Variants in EXOC4 observed in about 807,000 individuals in gnomAD.
The protein encoded by EXOC4 is exocyst complex component 4, also known as SEC8-like 1.
EXOC4 carries 71 observed loss-of-function variants against 107.2 expected under a neutral mutation model. That is an observed-to-expected ratio of 0.66 (90% CI 0.55 to 0.81). The LOEUF (loss-of-function observed/expected upper bound fraction) is 0.81, where lower values mean the gene tolerates loss of function less well. Among genes scored for constraint, EXOC4 ranks in the 30% least tolerant of loss-of-function variants. The pLI is 0.00. For missense variants in EXOC4, 1,108 were observed against 1,189.6 expected, an observed-to-expected ratio of 0.93 and a Z score of 1.01; for synonymous variants, 456 against 441.2, an observed-to-expected ratio of 1.03 and a Z score of -0.42.
chr7:133,493,966 G>A (rs1318874204), intron 9 of EXOC4, among the ~76,000 whole-genome samples: 6 of 152,150 alleles, frequency 3.9e-5, no homozygotes, highest in East Asian at 3.8e-4. Flanking sequence ...AATTTAGGAC[G>A]GTTGGAATAT....
chr7:133,635,817 C>T (rs574230461), intron 10 of EXOC4, among the ~76,000 whole-genome samples: 31 of 152,292 alleles, frequency 2.0e-4, no homozygotes, highest in Non-Finnish European at 4.1e-4. Context: ...TGCACTGGGA[C>T]AGAGCTCCCT....
At chr7:133,668,853 C>T (rs984736267) in intron 10 of EXOC4, among the ~76,000 whole-genome samples, 1 of 152,020 alleles carries the variant, frequency 6.6e-6, no homozygotes, top group African/African-American at 2.4e-5. Flanking sequence ...GGGGCAGCCT[C>T]CAGGGGTCAC....
intron 10 of EXOC4, among the ~76,000 whole-genome samples, chr7:133,701,601 A>C (rs1171570781): frequency 6.6e-6 from 1 of 152,188 alleles, no homozygotes; most frequent in Non-Finnish European, 1.5e-5. Context: ...TTTAATTTAT[A>C]AATTAGGCAC....
chr7:134,058,869 G>C (rs1460920550), intron 17 of EXOC4, among the ~76,000 whole-genome samples: 1 of 152,154 alleles, frequency 6.6e-6, no homozygotes, highest in East Asian at 1.9e-4. Context: ...CTAATACTCT[G>C]TAGATCTCAA....
chr7:133,386,561 G>A (rs1421578455), intron 7 of EXOC4, among the ~76,000 whole-genome samples: 1 of 152,108 alleles, frequency 6.6e-6, no homozygotes, highest in African/African-American at 2.4e-5. Flanking sequence ...AGTTTGTGCT[G>A]CTTATACTCT....
intron 10 of EXOC4, among the ~76,000 whole-genome samples, chr7:133,720,396 C>G (rs543475765): frequency 1.7e-3 from 262 of 152,208 alleles, no homozygotes; most frequent in Non-Finnish European, 2.9e-3. Context: ...TGCGTATAAA[C>G]CTTCATAATT....
At chr7:133,276,451 T>C (rs1018371754) in intron 2 of EXOC4, among the ~76,000 whole-genome samples, 4 of 152,218 alleles carry the variant, frequency 2.6e-5, no homozygotes, top group South Asian at 2.1e-4. Context: ...TGTCCAATCA[T>C]CTCAATGAAT....
chr7:133,350,290 A>C (rs1432458541), intron 5 of EXOC4, among the ~76,000 whole-genome samples: 1 of 151,954 alleles, frequency 6.6e-6, no homozygotes, highest in South Asian at 2.1e-4. Context: ...TTCTTCTGAG[A>C]GTTTTATTGT....
intron 10 of EXOC4, among the ~76,000 whole-genome samples, chr7:133,652,449 T>TAA (rs61237909): frequency 4.6e-5 from 7 of 151,132 alleles, no homozygotes; most frequent in East Asian, 3.9e-4. Context: ...TTTTTTTTTT[T>TAA]AAAAAAAACA....
chr7:133,392,551 G>C (rs1277268690), intron 7 of EXOC4, among the ~76,000 whole-genome samples: 1 of 152,068 alleles, frequency 6.6e-6, no homozygotes, highest in African/African-American at 2.4e-5. Flanking sequence ...GTGAATGATG[G>C]TTTTATTTTC....
intron 9 of EXOC4, among the ~76,000 whole-genome samples, chr7:133,628,507 C>T (rs1802510680): frequency 6.6e-6 from 1 of 152,090 alleles, no homozygotes; most frequent in African/African-American, 2.4e-5. Flanking sequence ...ATATCACTTC[C>T]CCTGGAGTGG....
chr7:133,941,275 G>A (rs957925954), intron 14 of EXOC4, among the ~76,000 whole-genome samples: 1 of 152,060 alleles, frequency 6.6e-6, no homozygotes, highest in African/African-American at 2.4e-5. Flanking sequence ...GGGATTACAG[G>A]CATGAGCCAC....
chr7:133,334,073 A>C (rs899832136), intron 5 of EXOC4, among the ~76,000 whole-genome samples: 1 of 152,188 alleles, frequency 6.6e-6, no homozygotes, highest in Non-Finnish European at 1.5e-5. Flanking sequence ...CAATACTTTT[A>C]GGTTCATTTG....
the EXOC4 span, among the ~76,000 whole-genome samples, chr7:134,097,027 G>C: frequency 2.6e-5 from 4 of 151,956 alleles, no homozygotes; most frequent in Non-Finnish European, 2.9e-5. Flanking sequence ...ATATGAAGTA[G>C]TATGGAATTA....
At chr7:133,722,852 ATTATTGCC>A (rs1374198003) in intron 10 of EXOC4, among the ~76,000 whole-genome samples, 1 of 152,298 alleles carries the variant, frequency 6.6e-6, no homozygotes, top group African/African-American at 2.4e-5. Flanking sequence ...CACAGATTGG[ATTATTGCC>A]ATGTGGATGT....
chr7:133,594,301 GA>G (rs2150981051), intron 9 of EXOC4, among the ~76,000 whole-genome samples: 2 of 152,208 alleles, frequency 1.3e-5, no homozygotes, highest in South Asian at 4.1e-4. Flanking sequence ...AAAAAAGAAT[GA>G]ATAATATTTT....
intron 7 of EXOC4, among the ~76,000 whole-genome samples, chr7:133,452,562 T>G (rs533355982): frequency 8.0e-5 from 12 of 149,380 alleles, no homozygotes; most frequent in African/African-American, 2.7e-4. Context: ...CAGTCAACCT[T>G]TAGCTCTCTG....
intron 7 of EXOC4, among the ~76,000 whole-genome samples, chr7:133,388,102 C>T (rs965093959): frequency 1.4e-4 from 21 of 151,950 alleles, no homozygotes; most frequent in African/African-American, 4.6e-4. Flanking sequence ...CCACGGGCTG[C>T]GATTATATTT....
intron 10 of EXOC4, among the ~76,000 whole-genome samples, chr7:133,727,126 A>C (rs1392921420): frequency 6.6e-6 from 1 of 152,152 alleles, no homozygotes; most frequent in Non-Finnish European, 1.5e-5. Context: ...TAGATTGTCA[A>C]TCTGTTTTTG....
Sources: gnomAD v4.1 joint callset for allele counts (sites outside exome capture counted in the v4.1 genomes callset) on GRCh38, gnomAD v4.1.1 for gene constraint, MANE v1.5 for transcripts, NCBI Gene and HGNC (gene_info 2026-07-23, HGNC 2026-07-21) for gene names.